SEC24A: variants seen among roughly 807,000 people sequenced by gnomAD.
SEC24A encodes SEC24 homolog A, COPII component.
A neutral mutation model predicts 129.4 loss-of-function variants in SEC24A; 93 were observed. The ratio of observed to expected loss-of-function variants is 0.72; its 90% CI spans 0.61 to 0.85. SEC24A has a LOEUF of 0.85. Ranked by LOEUF, SEC24A falls within the 40% of genes least tolerant of loss-of-function variation. The pLI, the probability that SEC24A is intolerant of heterozygous loss-of-function variation, is 0.00. For synonymous variants in SEC24A, 460 were observed against 467.3 expected (o/e 0.98, Z 0.20); for missense variants, 1,264 against 1,307.4 (o/e 0.97, Z 0.51).
intron 3 of SEC24A, among the ~76,000 whole-genome samples, chr5:134,669,621 G>A (rs563979481): frequency 8.6e-5 from 13 of 151,320 alleles, no homozygotes; most frequent in South Asian, 8.5e-4. Context: ...GACTACAGGC[G>A]CCTGCCACCA....
intron 13 of SEC24A, among the ~76,000 whole-genome samples, chr5:134,695,009 C>A (rs1481440120): frequency 6.6e-6 from 1 of 152,030 alleles, no homozygotes; most frequent in Non-Finnish European, 1.5e-5. Flanking sequence ...TGCCTAGTCT[C>A]ACTGTTTATT....
chr5:134,711,611 T>C (rs1752327638), intron 18 of SEC24A, among the ~76,000 whole-genome samples: 1 of 146,646 alleles, frequency 6.8e-6, no homozygotes, highest in African/African-American at 2.5e-5. Context: ...TCGCCCAGGC[T>C]GGAGTGGCAG....
chr5:134,689,282 A>G (rs999763228), intron 11 of SEC24A, among the ~76,000 whole-genome samples: 2 of 152,200 alleles, frequency 1.3e-5, no homozygotes, highest in Non-Finnish European at 2.9e-5. Context: ...CTCAAAGTTA[A>G]TGGTGAATTA....
rs145174220 is a variant in SEC24A at position 134,722,019 on chromosome 5, C to T, written c.3063+929C>T. The stretch of plus-strand genomic sequence containing the variant: ...TGTTATATTTTTAATAATAACTGAA[C>T]GAATCAATTAATTCTTGACGTCATG... On this transcript the variant is annotated intron_variant, in intron 21 of 22. Transcript: ENST00000398844. Among the ~76,000 whole-genome samples the T allele has an allele frequency of 1.1e-4, 17 of 152,178 alleles. No homozygotes were observed. The East Asian group carries it at 2.7e-3, about 24-fold the overall frequency.
At chr5:134,659,047 T>TTTATTTA (rs1750348401) in intron 1 of SEC24A, among the ~76,000 whole-genome samples, 2 of 138,766 alleles carry the variant, frequency 1.4e-5, no homozygotes, top group South Asian at 2.3e-4. Flanking sequence ...ACCCATTTAT[T>TTTATTTA]TTTATTTATT....
chr5:134,725,917 G>A lies in SEC24A; in HGVS notation c.*823G>A, dbSNP rs985664655. 3.9e-5 allele frequency: 6 copies of A among 152,112 alleles called. No homozygotes were observed. The highest frequency in any genetic ancestry group is 7.4e-5 in the Non-Finnish European group (5 of 67,938). The allele number at this position is 152,112 out of a possible 1,614,324, so 9.4% of individuals were successfully genotyped here. ...TTGATCCTTTAAGTGGATTTTATTT[G>A]GTGCATTTCTGCTCTGGGTATATAA... On this transcript the variant is annotated 3_prime_UTR_variant, in exon 23 of 23. Coordinates refer to ENST00000398844, the MANE Select transcript of SEC24A (RefSeq NM_021982.3).
intron 2 of SEC24A, 80 bp downstream of exon 2, chr5:134,661,666 C>T (rs1750466745): frequency 9.5e-7 from 1 of 1,050,590 alleles, no homozygotes; most frequent in Non-Finnish European, 1.4e-6. Context: ...ATACTTGAAA[C>T]CTGAAAACCA....
chr5:134,650,261 A>G (rs936103387), intron 1 of SEC24A, among the ~76,000 whole-genome samples: 5 of 152,208 alleles, frequency 3.3e-5, no homozygotes, highest in Admixed American at 3.3e-4. Flanking sequence ...ATGGTAACAG[A>G]TTATGTACAC....
At chr5:134,684,384 C>G (rs1218926307) in intron 9 of SEC24A, among the ~76,000 whole-genome samples, 1 of 151,414 alleles carries the variant, frequency 6.6e-6, no homozygotes, top group Non-Finnish European at 1.5e-5. Flanking sequence ...TTATGAGGAA[C>G]CAGTCTCCTT....
At chr5:134,713,580 G>C (rs1752392152) in intron 18 of SEC24A, among the ~76,000 whole-genome samples, 1 of 152,002 alleles carries the variant, frequency 6.6e-6, no homozygotes, top group Non-Finnish European at 1.5e-5. Flanking sequence ...AATATTTTTT[G>C]AATGAATAGA....
At chr5:134,656,331 A>G (rs1490209952) in intron 1 of SEC24A, among the ~76,000 whole-genome samples, 3 of 151,232 alleles carry the variant, frequency 2.0e-5, no homozygotes, top group African/African-American at 7.3e-5. Flanking sequence ...GCCCGCCTTG[A>G]CCTCCCAAAG....
rs1481295592 is a variant in SEC24A, at chr5:134,674,610, T to C, written c.818-5T>C. 5 of 1,608,996 alleles carry C rather than the reference T, an allele frequency of 3.1e-6. No homozygotes were observed. In the African/African-American group the frequency reaches 6.7e-5, roughly 22 times the overall value. ...AATAGAACTTAAAAGTTACCTTGTT[T>C]CTAGCAACACCACAGCTTACTAACA... is the stretch of plus-strand genomic sequence containing the variant. On this transcript the variant is annotated splice_region_variant and splice_polypyrimidine_tract_variant and intron_variant, in intron 4 of 22. Coordinates refer to ENST00000398844, the MANE Select transcript of SEC24A (RefSeq NM_021982.3).
Position 134,722,940 on chromosome 5 carries a change from G to A in SEC24A, c.3064-627G>A, listed in dbSNP as rs530061309. Among the ~76,000 whole-genome samples, 3 of 152,198 alleles carry A rather than the reference G, an allele frequency of 2.0e-5. No individual in the cohort carries two copies. The East Asian group carries it at 5.8e-4, about 29-fold the overall frequency. ...AGGCCGAGGTGGGCAGATTGCTTAA[G>A]CCCAGGAGTTCAAGACCAGCCTGAG... On this transcript the variant is annotated intron_variant, in intron 21 of 22. Coordinates refer to ENST00000398844, the MANE Select transcript of SEC24A (RefSeq NM_021982.3).
At chr5:134,676,617 T>A (rs1319212351) in intron 7 of SEC24A, among the ~76,000 whole-genome samples, 2 of 152,004 alleles carry the variant, frequency 1.3e-5, no homozygotes, top group Admixed American at 1.3e-4. Flanking sequence ...CTAATTTTTT[T>A]ATTTTTAGTA....
chr5:134,676,729 C>T (rs1240940417), intron 7 of SEC24A, among the ~76,000 whole-genome samples: 2 of 152,164 alleles, frequency 1.3e-5, no homozygotes, highest in East Asian at 1.9e-4. Flanking sequence ...AGCCACTACA[C>T]CCGGCCTCTT....
chr5:134,654,487 T>C (rs920196853), intron 1 of SEC24A, among the ~76,000 whole-genome samples: 28 of 152,290 alleles, frequency 1.8e-4, no homozygotes, highest in African/African-American at 6.7e-4. Context: ...CCCAAAGTGC[T>C]GGGATTACAG....
At chr5:134,687,463 G>A (rs1751491578) in intron 10 of SEC24A, among the ~76,000 whole-genome samples, 1 of 152,126 alleles carries the variant, frequency 6.6e-6, no homozygotes, top group African/African-American at 2.4e-5. Context: ...ACTATTTCCA[G>A]TGGTGCTTAG....
At position 134,705,373 on chromosome 5, in the gene SEC24A, G is replaced by A. The variant is rs374890178; in HGVS notation, c.2487G>A (p.Ser829=). The part of the protein sequence containing the change: ...RVHTLCLPVV[S]TLNDVFLGAD... The stretch of plus-strand genomic sequence containing the variant: ...ATACTTTGTGTTTGCCAGTAGTTTC[G>A]ACTCTGAATGATGTCTTTCTTGGAG... The change falls in exon 17 of 23, where the codon TCG becomes TCA. Residue 829 remains serine, a synonymous_variant. Transcript: ENST00000398844. 1.1e-5 allele frequency: 17 copies of A among 1,613,270 alleles called. No individual in the cohort carries two copies. The highest frequency in any genetic ancestry group is 1.7e-4 in the Middle Eastern group (1 of 6,058).
In SEC24A at chr5:134,652,474, C is replaced by T. The variant is rs991583464; in HGVS notation, c.97+3301C>T. ...CTAATTTTTGTATATTTAGTAGAGA[C>T]GGGGTTTCGCCACGTTGCCCAGGCT... On this transcript the variant is annotated intron_variant, in intron 1 of 22. Coordinates refer to ENST00000398844, the MANE Select transcript of SEC24A (RefSeq NM_021982.3). Among the ~76,000 whole-genome samples, 4 of 151,514 alleles carry T rather than the reference C, an allele frequency of 2.6e-5. No homozygotes were observed. The East Asian group carries it at 5.9e-4, about 22-fold the overall frequency.
Sources: allele counts gnomAD v4.1 joint callset (sites outside exome capture counted in the v4.1 genomes callset), GRCh38; gene constraint gnomAD v4.1.1; transcripts MANE v1.5; gene names NCBI Gene and HGNC (gene_info 2026-07-23, HGNC 2026-07-21).